FHIT: variants seen among roughly 807,000 people sequenced by gnomAD.
FHIT encodes the protein fragile histidine triad diadenosine triphosphatase, also known as bis(5'-adenosyl)-triphosphatase.
Under a neutral mutation model 17.9 loss-of-function variants are expected in FHIT, and 19 were observed. That is an observed-to-expected ratio of 1.06 (90% CI 0.74 to 1.56). The LOEUF is 1.56. Ranked by LOEUF, FHIT falls within the 40% of genes most tolerant of loss-of-function variation. The probability of loss-of-function intolerance (pLI) is 0.00; values close to 1 mark genes in which losing one functional copy is unlikely to be tolerated. For synonymous variants in FHIT, 81 were observed against 69.7 expected (o/e 1.16, Z -0.81); for missense variants, 248 against 189.2 (o/e 1.31, Z -1.82).
rs1323059140 is a variant in FHIT at position 60,441,720 on chromosome 3, A to ATTTG, written c.103+95139_103+95140insCAAA. On this transcript the variant is annotated intron_variant, in intron 5 of 9. Transcript: ENST00000492590. ...TAGGTATTTATATATATATATATAT[A>ATTTG]TATTTGTATTTATATATATATATTT... Among the ~76,000 whole-genome samples the ATTTG allele has an allele frequency of 8.1e-3, 466 of 57,598 alleles. 23 individuals carry two copies. The highest frequency in any genetic ancestry group is 0.013 in the East Asian group (28 of 2,130). The allele number at this position is 57,598 out of a possible 152,430, so 37.8% of individuals were successfully genotyped here. A position where few individuals can be genotyped will look rare whatever the true frequency, so the allele number is the denominator to read the frequency against.
intron 5 of FHIT, among the ~76,000 whole-genome samples, chr3:60,230,011 C>T (rs1226379564): frequency 1.3e-5 from 2 of 152,132 alleles, no homozygotes; most frequent in African/African-American, 2.4e-5. Flanking sequence ...TAAGTGTAAT[C>T]GGCCACTCAC....
chr3:60,632,792 A>G (rs1553682759), intron 4 of FHIT, among the ~76,000 whole-genome samples: 1 of 152,202 alleles, frequency 6.6e-6, no homozygotes, highest in African/African-American at 2.4e-5. Flanking sequence ...AAAAAAAACT[A>G]AAGTTCTCTT....
At position 60,050,244 on chromosome 3, in the gene FHIT, T is replaced by C. The variant is rs138736653; in HGVS notation, c.104-36092A>G. 6.1e-3 allele frequency among the ~76,000 whole-genome samples: 933 copies of C among 152,332 alleles called. 6 individuals are homozygous for C. Among genetic ancestry groups the C allele is most frequent in the African/African-American group, 0.021 (865 of 41,570 alleles). On this transcript the variant is annotated intron_variant, in intron 5 of 9. Coordinates refer to ENST00000492590, the MANE Select transcript of FHIT (RefSeq NM_002012.4). Reference sequence around the variant, plus strand: ...TCCAATATTTTCTTAGCTTGTACTTTGTTCATTTTTCCCATAGTTTATTTC... The same window carrying C: ...TCCAATATTTTCTTAGCTTGTACTTCGTTCATTTTTCCCATAGTTTATTTC...
At chr3:59,898,581 G>A (rs898496343) in intron 8 of FHIT, among the ~76,000 whole-genome samples, 5 of 152,158 alleles carry the variant, frequency 3.3e-5, no homozygotes, top group African/African-American at 7.2e-5. Context: ...TGGCAACAAT[G>A]AACTAGAATG....
rs550738340 is a variant in FHIT, at chr3:61,250,661, C to T, written c.-213+640G>A. On this transcript the variant is annotated intron_variant, in intron 1 of 9. Coordinates refer to ENST00000492590, the MANE Select transcript of FHIT (RefSeq NM_002012.4). ...CCTGCCTCCTTACCCCCCACCACCA[C>T]CAACTTGGATATACCTTTAAAATTC... 4.6e-5 allele frequency among the ~76,000 whole-genome samples: 7 copies of T among 151,960 alleles called. No homozygotes were observed. The South Asian group carries it at 8.3e-4, about 18-fold the overall frequency.
At chr3:60,292,945 A>T (rs1222425421) in intron 5 of FHIT, among the ~76,000 whole-genome samples, 1 of 152,200 alleles carries the variant, frequency 6.6e-6, no homozygotes, top group East Asian at 1.9e-4. Flanking sequence ...GCATGCCTAA[A>T]TATATTACAA....
At chr3:60,350,066 T>A (rs887084694) in intron 5 of FHIT, among the ~76,000 whole-genome samples, 2 of 152,150 alleles carry the variant, frequency 1.3e-5, no homozygotes, top group African/African-American at 4.8e-5. Flanking sequence ...CTGTAAGTAA[T>A]GACTAGGTTC....
intron 7 of FHIT, among the ~76,000 whole-genome samples, chr3:59,988,932 G>A (rs528538788): frequency 6.6e-6 from 1 of 152,106 alleles, no homozygotes; most frequent in Non-Finnish European, 1.5e-5. Context: ...TCCCACCTAT[G>A]CTGACAGCAT....
At chr3:61,089,366 T>C (rs1424382410) in intron 2 of FHIT, among the ~76,000 whole-genome samples, 1 of 152,232 alleles carries the variant, frequency 6.6e-6, no homozygotes, top group Non-Finnish European at 1.5e-5. Flanking sequence ...GGAAATCCTA[T>C]ACCCATTAAG....
chr3:60,141,533 C>A (rs557452122), intron 5 of FHIT, among the ~76,000 whole-genome samples: 43 of 152,104 alleles, frequency 2.8e-4, no homozygotes, highest in Non-Finnish European at 5.4e-4. Flanking sequence ...TCTAAAATGG[C>A]CTTTGCTTGT....
rs115182513 is a variant in FHIT at position 60,697,046 on chromosome 3, T to C, written c.-18+124873A>G. On this transcript the variant is annotated intron_variant, in intron 4 of 9. Transcript: ENST00000492590. Reference sequence around the variant, plus strand: ...CATGGAAAACTCAAGTATACTCAAGTTGTCAATTGTATAATTTGATGGAAA... The same window carrying C: ...CATGGAAAACTCAAGTATACTCAAGCTGTCAATTGTATAATTTGATGGAAA... Among the ~76,000 whole-genome samples, 1,247 of 152,332 alleles carry C rather than the reference T, an allele frequency of 8.2e-3. 20 individuals carry two copies. The highest frequency in any genetic ancestry group is 0.028 in the African/African-American group (1,184 of 41,572).
At chr3:61,233,263 T>C (rs894969160) in intron 1 of FHIT, among the ~76,000 whole-genome samples, 4 of 151,978 alleles carry the variant, frequency 2.6e-5, no homozygotes, top group Admixed American at 6.6e-5. Flanking sequence ...CACACACACA[T>C]TCACTGCAGA....
At chr3:60,769,240 TA>T (rs1444787494) in intron 4 of FHIT, among the ~76,000 whole-genome samples, 4 of 152,114 alleles carry the variant, frequency 2.6e-5, no homozygotes, top group Non-Finnish European at 5.9e-5. Flanking sequence ...CCTGAAAAGC[TA>T]AAGGACTATC....
At chr3:59,908,636 T>C (rs1179504433) in intron 8 of FHIT, among the ~76,000 whole-genome samples, 3 of 152,104 alleles carry the variant, frequency 2.0e-5, no homozygotes, top group Non-Finnish European at 2.9e-5. Flanking sequence ...AATCCCTGCC[T>C]ACCCCACACG....
intron 5 of FHIT, among the ~76,000 whole-genome samples, chr3:60,172,773 A>C (rs562157109): frequency 2.6e-5 from 4 of 152,312 alleles, no homozygotes; most frequent in Admixed American, 2.6e-4. Context: ...TCCTCCAAGC[A>C]GGACTGTCCA....
intron 8 of FHIT, among the ~76,000 whole-genome samples, chr3:59,883,806 A>G (rs943743581): frequency 3.3e-5 from 5 of 152,234 alleles, no homozygotes; most frequent in Non-Finnish European, 5.9e-5. Context: ...TAGATTTAAG[A>G]AAGTGATGGG....
intron 3 of FHIT, among the ~76,000 whole-genome samples, chr3:60,934,014 G>C (rs997724632): frequency 2.6e-5 from 4 of 152,178 alleles, no homozygotes; most frequent in South Asian, 4.1e-4. Context: ...TGCTTAATTT[G>C]AGGTTAATTA....
intron 8 of FHIT, among the ~76,000 whole-genome samples, chr3:59,800,049 A>C (rs977174391): frequency 2.0e-5 from 3 of 152,232 alleles, no homozygotes; most frequent in Admixed American, 6.5e-5. Flanking sequence ...TCAGGAATAC[A>C]AAAATTGTTT....
intron 5 of FHIT, among the ~76,000 whole-genome samples, chr3:60,196,083 G>A (rs1042854434): frequency 1.3e-5 from 2 of 152,138 alleles, no homozygotes; most frequent in African/African-American, 4.8e-5. Context: ...ACCAGTTACT[G>A]AGGATGGACA....
Sources: allele counts gnomAD v4.1 joint callset (sites outside exome capture counted in the v4.1 genomes callset), GRCh38; gene constraint gnomAD v4.1.1; transcripts MANE v1.5; gene names NCBI Gene and HGNC (gene_info 2026-07-23, HGNC 2026-07-21).